Variants in RANBP3L observed in about 807,000 individuals in gnomAD.
The protein encoded by RANBP3L is ran-binding protein 3-like.
Under a neutral mutation model 67.2 loss-of-function variants are expected in RANBP3L, and 56 were observed. The ratio of observed to expected loss-of-function variants is 0.83; its 90% confidence interval spans 0.67 to 1.04. The LOEUF is 1.04. Ranked by LOEUF, RANBP3L falls within the 50% of genes least tolerant of loss-of-function variation. RANBP3L has a pLI of 0.00. For synonymous variants in RANBP3L, 164 were observed against 181.4 expected (o/e 0.90, Z 0.77); for missense variants, 496 against 535.5 (o/e 0.93, Z 0.73).
intron 1 of RANBP3L, among the ~76,000 whole-genome samples, chr5:36,298,152 T>G (rs946009836): frequency 6.6e-6 from 1 of 151,630 alleles, no homozygotes; most frequent in East Asian, 1.9e-4. Flanking sequence ...ATAAAAAAAT[T>G]AGCCAGGCAT....
At position 36,247,787 on chromosome 5, in the gene RANBP3L, G is replaced by A. The variant is rs1005228534; in HGVS notation, c.*1867C>T. On this transcript the variant is annotated 3_prime_UTR_variant, in exon 14 of 14. Coordinates refer to ENST00000296604, the MANE Select transcript of RANBP3L (RefSeq NM_145000.5). ...TAATCCCAGCTACTCAGGAGGCTGA[G>A]TGAGGCACGAGAATCCCTTGAACCC... Among the ~76,000 whole-genome samples the A allele has an allele frequency of 6.6e-6, 1 of 152,202 alleles. No homozygotes were observed. The highest frequency in any genetic ancestry group is 1.9e-4 in the East Asian group (1 of 5,192).
At chr5:36,263,962 T>TA (rs1407210497) in intron 6 of RANBP3L, among the ~76,000 whole-genome samples, 1 of 152,238 alleles carries the variant, frequency 6.6e-6, no homozygotes, top group Non-Finnish European at 1.5e-5. Flanking sequence ...ATAGCATGCA[T>TA]AAATGATGAA....
In RANBP3L at chr5:36,256,984, A is replaced by G. The variant is rs904536484; in HGVS notation, c.860T>C (p.Ile287Thr). The G allele has an allele frequency of 1.2e-5, 19 of 1,613,024 alleles. No homozygotes were observed. Among genetic ancestry groups the G allele is most frequent in the African/African-American group, 6.7e-5 (5 of 74,846 alleles). ...TGTTTCCTCCCCTGTTATAACATCA[A>G]TTTTCTCCAGCAAGCATTTTCGTGA... ...QPSRKCLLEKIDVITGEETEH... is the reference protein window; with the variant it reads ...QPSRKCLLEKTDVITGEETEH... The change falls in exon 10 of 14, where the codon ATT (isoleucine) becomes ACT (threonine). Residue 287 changes from isoleucine to threonine, a missense_variant. Transcript: ENST00000296604.
At chr5:36,267,187 TA>T (rs1301779445) in intron 4 of RANBP3L, among the ~76,000 whole-genome samples, 2 of 152,150 alleles carry the variant, frequency 1.3e-5, no homozygotes, top group African/African-American at 4.8e-5. Context: ...CAATTATTAA[TA>T]AGAATACAGA....
chr5:36,291,211 C>G (rs1751730017), intron 1 of RANBP3L, among the ~76,000 whole-genome samples: 1 of 152,042 alleles, frequency 6.6e-6, no homozygotes, highest in Admixed American at 6.5e-5. Context: ...ACAACATATC[C>G]TCAATCCTTT....
chr5:36,290,943 ACCAT>A, intron 1 of RANBP3L, among the ~76,000 whole-genome samples: 1 of 136,026 alleles, frequency 7.4e-6, no homozygotes, highest in Admixed American at 8.0e-5. Context: ...ACAGGGTTTC[ACCAT>A]GTTGGCCAGG....
At chr5:36,255,233 A>G (rs1748884887) in intron 11 of RANBP3L, among the ~76,000 whole-genome samples, 1 of 152,096 alleles carries the variant, frequency 6.6e-6, no homozygotes, top group South Asian at 2.1e-4. Flanking sequence ...AGAGAAAGAG[A>G]TTTAAAAACT....
intron 4 of RANBP3L, among the ~76,000 whole-genome samples, chr5:36,268,756 T>C (rs1749991428): frequency 6.6e-6 from 1 of 151,998 alleles, no homozygotes; most frequent in South Asian, 2.1e-4. Context: ...TCACCCCACC[T>C]GGAGTGCGGT....
intron 10 of RANBP3L, 80 bp from the exon 11 acceptor site, chr5:36,255,670 A>G: frequency 1.1e-6 from 1 of 903,884 alleles, no homozygotes. Context: ...TGACACGTTT[A>G]TATGTGTCTA....
chr5:36,290,913 T>G (rs1469707170), intron 1 of RANBP3L, among the ~76,000 whole-genome samples: 1 of 147,226 alleles, frequency 6.8e-6, no homozygotes, highest in Non-Finnish European at 1.5e-5. Flanking sequence ...TTTTTTTTTT[T>G]TTTTGTATTT....
At chr5:36,272,249 A>G (rs902921711) in intron 1 of RANBP3L, among the ~76,000 whole-genome samples, 4 of 152,224 alleles carry the variant, frequency 2.6e-5, no homozygotes, top group African/African-American at 9.6e-5. Context: ...AAGAAAGGTT[A>G]CCTGGCATTC....
Position 36,265,053 on chromosome 5 carries a change from T to C in RANBP3L, c.386A>G (p.Gln129Arg), listed in dbSNP as rs532457215. The C allele has an allele frequency of 3.1e-6, 5 of 1,612,566 alleles. No individual in the cohort carries two copies. The South Asian group carries it at 5.5e-5, about 18-fold the overall frequency. ...SKHVIRPAILQLPQARSCAKV... is the reference protein window; with the variant it reads ...SKHVIRPAILRLPQARSCAKV... ...TGCACAACTTCGAGCTTGAGGTAGC[T>C]GCAAAATAGCAGGTCTAATAACATG... Residue 129 changes from glutamine to arginine, a missense_variant, in exon 6 of 14, where the codon CAG becomes CGG. By Grantham distance (43) the Gln-to-Arg change is conservative (BLOSUM62 1). Transcript: ENST00000296604.
Position 36,272,854 on chromosome 5 carries a change from G to A in RANBP3L, c.92-1543C>T, listed in dbSNP as rs557275123. Among the ~76,000 whole-genome samples the A allele has an allele frequency of 3.1e-4, 47 of 152,200 alleles. No individual in the cohort carries two copies. The South Asian group carries it at 8.1e-3, about 26-fold the overall frequency. On this transcript the variant is annotated intron_variant, in intron 1 of 13. Transcript: ENST00000296604. ...GATGGAGTTTCACCATGTTGGCCAC[G>A]CTGGTCTCGACCTCCTGACCTCGGT...
rs547460207 is a variant in RANBP3L at position 36,269,967 on chromosome 5, A to G, written c.174T>C (p.Tyr58=). ...TFKRPAEDTL[Y]EAAEPECNGF... ...AATCATTACCTGGTTCTGCTGCTTC[A>G]TACAGGGTGTCTTCTGCAGGTCTCT... The change falls in exon 3 of 14, where the codon TAT becomes TAC. Residue 58 remains tyrosine (Y), a synonymous_variant. Coordinates refer to ENST00000296604, the MANE Select transcript of RANBP3L (RefSeq NM_145000.5). 2.5e-6 allele frequency: 4 copies of G among 1,613,602 alleles called. No individual in the cohort carries two copies. Among genetic ancestry groups the G allele is most frequent in the Non-Finnish European group, 3.4e-6 (4 of 1,179,560 alleles).
chr5:36,256,795 T>G, intron 10 of RANBP3L, 146 bp downstream of exon 10: 1 of 669,568 alleles, frequency 1.5e-6, no homozygotes, highest in Non-Finnish European at 2.4e-6. Flanking sequence ...GTTCAATTTT[T>G]GAGAGCATCC....
chr5:36,285,738 A>G (rs1269242476), intron 1 of RANBP3L, among the ~76,000 whole-genome samples: 3 of 152,208 alleles, frequency 2.0e-5, no homozygotes, highest in Non-Finnish European at 4.4e-5. Context: ...ACCCACATTC[A>G]GAGGCTTCTT....
chr5:36,283,911 G>A lies in RANBP3L; in HGVS notation c.92-12600C>T, dbSNP rs190324611. On this transcript the variant is annotated intron_variant, in intron 1 of 13. Transcript: ENST00000296604. ...TTTCAGCTTCAGCCCATCCTGCCAC[G>A]ATACAGGTCATACTTAAAAATCTCT... Among the ~76,000 whole-genome samples the A allele has an allele frequency of 2.1e-4, 32 of 152,052 alleles. No individual in the cohort carries two copies. In the East Asian group the frequency reaches 5.2e-3, roughly 25 times the overall value.
intron 1 of RANBP3L, among the ~76,000 whole-genome samples, chr5:36,276,602 A>G (rs1027627491): frequency 1.4e-4 from 21 of 151,332 alleles, no homozygotes; most frequent in Non-Finnish European, 5.9e-5. Flanking sequence ...TTTTTTTTCT[A>G]TTTTATGTAC....
Position 36,256,953 on chromosome 5 carries a change from A to G in RANBP3L, c.891T>C (p.His297=). The G allele has an allele frequency of 6.2e-7, 1 of 1,613,044 alleles. No individual in the cohort carries two copies. The highest frequency in any genetic ancestry group is 8.5e-7 in the Non-Finnish European group (1 of 1,179,298). Reference sequence around the variant, plus strand: ...ATGATATACAGACCTTTAACACATTATGTTCTGTTTCCTCCCCTGTTATAA... The same window carrying G: ...ATGATATACAGACCTTTAACACATTGTGTTCTGTTTCCTCCCCTGTTATAA... The part of the protein sequence containing the change: ...IDVITGEETE[H]NVLKINCKLF... Residue 297 remains histidine (H), a synonymous_variant, in exon 10 of 14, where the codon CAT becomes CAC. Transcript: ENST00000296604.
Sources: gnomAD v4.1 joint callset for allele counts (sites outside exome capture counted in the v4.1 genomes callset) on GRCh38, gnomAD v4.1.1 for gene constraint, MANE v1.5 for transcripts, NCBI Gene and HGNC (gene_info 2026-07-23, HGNC 2026-07-21) for gene names.